SLC25A24: variants seen among roughly 807,000 people sequenced by gnomAD.
SLC25A24 encodes the protein solute carrier family 25 member 24.
SLC25A24 carries 49 observed loss-of-function variants against 60.7 expected under a neutral mutation model. The observed-to-expected ratio is 0.81, with a 90% CI of 0.64 to 1.02. The LOEUF is 1.02. Ranked by LOEUF, SLC25A24 falls within the 50% of genes least tolerant of loss-of-function variation. The pLI is 0.00. For missense variants in SLC25A24, 564 were observed against 586.3 expected, an observed-to-expected ratio of 0.96 and a Z score of 0.39; for synonymous variants, 202 against 200.6, an observed-to-expected ratio of 1.01 and a Z score of -0.06.
At position 108,200,269 on chromosome 1, in the gene SLC25A24, G is replaced by T; in HGVS notation, c.-131C>A. ...CAACAGCGTTTGGGGCGCCGTCGGG[G>T]TTGCGGCTGCGGCGCGCAGGGCGCA... On this transcript the variant is annotated 5_prime_UTR_variant, in exon 1 of 10. Coordinates refer to ENST00000565488, the MANE Select transcript of SLC25A24 (RefSeq NM_013386.5). 1.1e-6 allele frequency: 1 copy of T among 887,790 alleles called. No homozygotes were observed. Among genetic ancestry groups the T allele is most frequent in the Non-Finnish European group, 1.5e-6 (1 of 663,012 alleles). 55.0% of individuals were successfully genotyped at this position (887,790 alleles called of 1,614,324 possible). A position where few individuals can be genotyped will look rare whatever the true frequency, so the allele number is the denominator to read the frequency against.
At chr1:108,158,767 C>T (rs146055996) in intron 4 of SLC25A24, among the ~76,000 whole-genome samples, 1,649 of 150,438 alleles carry the variant, frequency 0.011, 29 homozygotes, top group African/African-American at 0.038. Context: ...CTTTGGGAGG[C>T]GAGGCGGGCG....
chr1:108,136,839 T>TA lies in SLC25A24; in HGVS notation c.1250-3dup. 6.2e-7 allele frequency: 1 copy of TA among 1,605,180 alleles called. No individual in the cohort carries two copies. Among genetic ancestry groups the TA allele is most frequent in the African/African-American group, 1.4e-5 (1 of 74,058 alleles). On this transcript the variant is annotated splice_region_variant and splice_polypyrimidine_tract_variant and intron_variant, in intron 9 of 9. Transcript: ENST00000565488. ...GCTGTGGGGAACCTTCTAACATGGC[T>TA]AAAAAATAAAAAAAGAGGGTAATTT...
At chr1:108,167,636 C>G (rs531416058) in intron 3 of SLC25A24, among the ~76,000 whole-genome samples, 7 of 152,240 alleles carry the variant, frequency 4.6e-5, no homozygotes, top group Non-Finnish European at 8.8e-5. Flanking sequence ...GGCAATGCCT[C>G]GCCCTGCTTC....
chr1:108,169,676 G>C (rs936833184), intron 3 of SLC25A24, among the ~76,000 whole-genome samples: 2 of 152,042 alleles, frequency 1.3e-5, no homozygotes, highest in African/African-American at 4.8e-5. Context: ...TTAATCATTT[G>C]CAAGAACCAT....
chr1:108,134,951 A>T lies in SLC25A24; in HGVS notation c.*1702T>A, dbSNP rs1356862711. 6.6e-6 allele frequency: 1 copy of T among 152,212 alleles called. No individual in the cohort carries two copies. The highest frequency in any genetic ancestry group is 6.5e-5 in the Admixed American group (1 of 15,284). 9.4% of individuals were successfully genotyped at this position (152,212 alleles called of 1,614,324 possible). A position where few individuals can be genotyped will look rare whatever the true frequency, so the allele number is the denominator to read the frequency against. On this transcript the variant is annotated 3_prime_UTR_variant, in exon 10 of 10. Coordinates refer to ENST00000565488, the MANE Select transcript of SLC25A24 (RefSeq NM_013386.5). ...AATCATTTTTTGGAAAAGATACAAG[A>T]TGTACAGACAAATCACATTCATACC...
intron 4 of SLC25A24, among the ~76,000 whole-genome samples, chr1:108,158,810 G>A (rs1045311067): frequency 2.6e-5 from 4 of 151,774 alleles, no homozygotes; most frequent in African/African-American, 9.7e-5. Context: ...GACCATCCTG[G>A]CTAACACGGT....
At chr1:108,150,803 G>C (rs893849242) in intron 6 of SLC25A24, among the ~76,000 whole-genome samples, 1 of 151,994 alleles carries the variant, frequency 6.6e-6, no homozygotes, top group Non-Finnish European at 1.5e-5. Flanking sequence ...AAACTCCCTT[G>C]AAACACCTAC....
chr1:108,139,237 T>G, intron 8 of SLC25A24, 29 bp from the exon 9 acceptor site: 1 of 1,568,504 alleles, frequency 6.4e-7, no homozygotes, highest in South Asian at 1.2e-5. Flanking sequence ...AGAAAATAAT[T>G]AACGAACTCT....
chr1:108,167,485 A>G (rs1647231624), intron 3 of SLC25A24, among the ~76,000 whole-genome samples: 2 of 152,140 alleles, frequency 1.3e-5, no homozygotes, highest in South Asian at 4.1e-4. Context: ...GCAGGATATA[A>G]TCTCCTGGTG....
At chr1:108,163,887 C>A (rs936447486) in intron 3 of SLC25A24, among the ~76,000 whole-genome samples, 1 of 152,184 alleles carries the variant, frequency 6.6e-6, no homozygotes, top group African/African-American at 2.4e-5. Flanking sequence ...AAAGGGAATG[C>A]TTCCAGTTTT....
At chr1:108,184,212 A>C (rs1558025440) in intron 2 of SLC25A24, among the ~76,000 whole-genome samples, 1 of 152,182 alleles carries the variant, frequency 6.6e-6, no homozygotes, top group East Asian at 1.9e-4. Flanking sequence ...TACACTACTT[A>C]TGCACTGGGA....
chr1:108,138,679 A>C (rs1679357461), intron 9 of SLC25A24, among the ~76,000 whole-genome samples: 1 of 152,174 alleles, frequency 6.6e-6, no homozygotes, highest in African/African-American at 2.4e-5. Flanking sequence ...AATTCTTACA[A>C]CACTGTACAA....
At chr1:108,192,732 A>G in intron 1 of SLC25A24, 1 of 1,403,328 alleles carries the variant, frequency 7.1e-7, no homozygotes, top group Non-Finnish European at 9.4e-7. Flanking sequence ...GAAGAGGCCT[A>G]AGACAGCATC....
chr1:108,140,354 T>C (rs1311923187), intron 8 of SLC25A24, among the ~76,000 whole-genome samples: 1 of 152,056 alleles, frequency 6.6e-6, no homozygotes, highest in Non-Finnish European at 1.5e-5. Flanking sequence ...AAACAAAAGC[T>C]GATACAGCTT....
At chr1:108,184,483 C>A (rs1648050216) in intron 2 of SLC25A24, among the ~76,000 whole-genome samples, 2 of 152,238 alleles carry the variant, frequency 1.3e-5, no homozygotes, top group Non-Finnish European at 2.9e-5. Context: ...CCAAACTCAG[C>A]TCTTCCTGGC....
chr1:108,179,787 CCA>C (rs1239330766), intron 3 of SLC25A24, among the ~76,000 whole-genome samples: 1 of 151,994 alleles, frequency 6.6e-6, no homozygotes, highest in African/African-American at 2.4e-5. Flanking sequence ...TTCAAGAGCT[CCA>C]CTATACAACA....
intron 3 of SLC25A24, among the ~76,000 whole-genome samples, chr1:108,164,241 G>A (rs1680177290): frequency 6.6e-6 from 1 of 152,010 alleles, no homozygotes; most frequent in Non-Finnish European, 1.5e-5. Flanking sequence ...AAGGATATTG[G>A]TCTAAAATTC....
At chr1:108,157,426 T>G (rs753855814) in intron 5 of SLC25A24, 36 bp downstream of exon 5, 2 of 1,566,468 alleles carry the variant, frequency 1.3e-6, no homozygotes, top group South Asian at 2.4e-5. Flanking sequence ...TTTAGAATAT[T>G]TAGGGCAAAC....
chr1:108,176,449 A>T (rs1647676721), intron 3 of SLC25A24, among the ~76,000 whole-genome samples: 1 of 152,190 alleles, frequency 6.6e-6, no homozygotes, highest in African/African-American at 2.4e-5. Context: ...AGGGGTAAAA[A>T]GCTTAATTAA....
Sources: gnomAD v4.1 joint callset for allele counts (sites outside exome capture counted in the v4.1 genomes callset) on GRCh38, gnomAD v4.1.1 for gene constraint, MANE v1.5 for transcripts, NCBI Gene and HGNC (gene_info 2026-07-23, HGNC 2026-07-21) for gene names.